Variants in DLGAP2 observed in about 807,000 individuals in gnomAD.
DLGAP2 encodes the protein disks large-associated protein 2.
DLGAP2 carries 26 observed loss-of-function variants against 100.3 expected under a neutral mutation model. That is an observed-to-expected ratio of 0.26 (90% CI 0.19 to 0.36). The LOEUF is 0.36. Ranked by LOEUF, DLGAP2 falls within the 10% of genes least tolerant of loss-of-function variation. DLGAP2 has a pLI of 1.00. For synonymous variants in DLGAP2, 886 were observed against 630.1 expected (o/e 1.41, Z -6.08); for missense variants, 1,858 against 1,453.2 (o/e 1.28, Z -4.53).
intron 3 of DLGAP2, among the ~76,000 whole-genome samples, chr8:1,298,708 G>A (rs897994446): frequency 7.9e-5 from 12 of 152,182 alleles, no homozygotes; most frequent in Admixed American, 4.6e-4. Context: ...ATGCATGCAT[G>A]CCAGAGGGGA....
At chr8:1,425,705 A>T (rs1278113672) in intron 3 of DLGAP2, among the ~76,000 whole-genome samples, 4 of 152,168 alleles carry the variant, frequency 2.6e-5, no homozygotes, top group Non-Finnish European at 4.4e-5. Flanking sequence ...CCTGTAGGGA[A>T]CTGGCCCCTG....
intron 2 of DLGAP2, among the ~76,000 whole-genome samples, chr8:967,835 T>C (rs1356592150): frequency 1.3e-4 from 3 of 23,924 alleles, no homozygotes; most frequent in Admixed American, 3.6e-4. Flanking sequence ...TATATATATA[T>C]ATATATATAT....
chr8:1,588,379 G>C (rs986691249), intron 6 of DLGAP2, among the ~76,000 whole-genome samples: 10 of 152,126 alleles, frequency 6.6e-5, no homozygotes, highest in African/African-American at 2.4e-4. Context: ...GTAGAACCCG[G>C]TGCTAACCTT....
intron 10 of DLGAP2, among the ~76,000 whole-genome samples, chr8:1,672,006 G>A (rs188389871): frequency 7.2e-5 from 11 of 152,248 alleles, no homozygotes; most frequent in African/African-American, 1.2e-4. Context: ...ATTCACTTTC[G>A]TTTTTATCCT....
Position 1,148,798 on chromosome 8 carries a change from T to C in DLGAP2, c.74-110053T>C, listed in dbSNP as rs146800400. Among the ~76,000 whole-genome samples the C allele has an allele frequency of 9.8e-5, 15 of 152,346 alleles. No homozygotes were observed. In the East Asian group the frequency reaches 2.7e-3, roughly 27 times the overall value. On this transcript the variant is annotated intron_variant, in intron 2 of 14. Transcript: ENST00000637795. The stretch of plus-strand genomic sequence containing the variant: ...TAATATATTCTGAATGTATTTTACG[T>C]ATTTCAATTACTTGAGCTTTTCTGG...
chr8:1,117,610 G>A (rs1805158862), intron 2 of DLGAP2, among the ~76,000 whole-genome samples: 1 of 152,192 alleles, frequency 6.6e-6, no homozygotes, highest in African/African-American at 2.4e-5. Context: ...ACTGAGGGTG[G>A]GATGGACGCT....
chr8:1,407,428 C>T (rs1385703634), intron 3 of DLGAP2, among the ~76,000 whole-genome samples: 3 of 97,092 alleles, frequency 3.1e-5, no homozygotes, highest in Non-Finnish European at 4.5e-5. Context: ...CCTTGTCCTC[C>T]AGAGTCGTGT....
At chr8:1,511,714 T>G (rs920483676) in intron 4 of DLGAP2, among the ~76,000 whole-genome samples, 4 of 145,364 alleles carry the variant, frequency 2.8e-5, no homozygotes, top group Non-Finnish European at 4.5e-5. Context: ...TGGACGTAAG[T>G]GCTGTCTAGT....
chr8:1,249,329 C>T (rs1249653134), intron 2 of DLGAP2, among the ~76,000 whole-genome samples: 2 of 152,080 alleles, frequency 1.3e-5, no homozygotes, highest in Non-Finnish European at 1.5e-5. Context: ...GTCTCAGGGC[C>T]CCTCATTTGC....
chr8:1,283,046 A>T (rs866957683), intron 3 of DLGAP2, among the ~76,000 whole-genome samples: 5 of 138,426 alleles, frequency 3.6e-5, no homozygotes, highest in African/African-American at 1.4e-4. Context: ...AACCATCTGG[A>T]CATGGTGTGA....
intron 2 of DLGAP2, among the ~76,000 whole-genome samples, chr8:1,176,732 C>T (rs1412368812): frequency 1.3e-5 from 2 of 152,100 alleles, no homozygotes; most frequent in African/African-American, 4.8e-5. Context: ...CACTCAGGTG[C>T]AGCCCCGTCT....
intron 1 of DLGAP2, among the ~76,000 whole-genome samples, chr8:757,966 T>C (rs1168076863): frequency 6.6e-6 from 1 of 152,046 alleles, no homozygotes; most frequent in East Asian, 1.9e-4. Context: ...TGGGGTTGAG[T>C]CCTGGTGCTG....
chr8:947,571 G>A (rs1799359895), intron 2 of DLGAP2, among the ~76,000 whole-genome samples: 4 of 152,100 alleles, frequency 2.6e-5, no homozygotes, highest in Admixed American at 1.3e-4. Flanking sequence ...CGGGCCCCTC[G>A]GTGTGCCTGC....
chr8:1,327,643 G>C (rs1406246735), intron 3 of DLGAP2, among the ~76,000 whole-genome samples: 2 of 152,118 alleles, frequency 1.3e-5, no homozygotes, highest in African/African-American at 4.8e-5. Flanking sequence ...AGGAGATCGA[G>C]ACCATCCTGA....
intron 2 of DLGAP2, among the ~76,000 whole-genome samples, chr8:1,153,911 A>G (rs1011820718): frequency 6.6e-6 from 1 of 152,192 alleles, no homozygotes; most frequent in African/African-American, 2.4e-5. Flanking sequence ...ACTGGACCCC[A>G]GAGACGTTTT....
Position 1,613,551 on chromosome 8 carries a change from AAAAAG to A in DLGAP2, c.1443-13174_1443-13170del, listed in dbSNP as rs911146044. Reference sequence around the variant, plus strand: ...AAAACTTAAAGTATAATAAAAAAAAAAAAAGAAAAGAAAAGAAAATTGACTTCAAC... The same window carrying A: ...AAAACTTAAAGTATAATAAAAAAAAAAAAAGAAAAGAAAATTGACTTCAAC... On this transcript the variant is annotated intron_variant, in intron 6 of 14. Transcript: ENST00000637795. Among the ~76,000 whole-genome samples, 265 of 152,072 alleles carry A rather than the reference AAAAAG, an allele frequency of 1.7e-3. 2 individuals are homozygous for A. Among genetic ancestry groups the A allele is most frequent in the African/African-American group, 5.7e-3 (238 of 41,494 alleles).
intron 2 of DLGAP2, among the ~76,000 whole-genome samples, chr8:959,997 A>G (rs1020519752): frequency 1.3e-5 from 2 of 152,162 alleles, no homozygotes; most frequent in African/African-American, 4.8e-5. Context: ...CTACAGGGCA[A>G]TAAACTGATG....
intron 3 of DLGAP2, among the ~76,000 whole-genome samples, chr8:1,373,267 C>T (rs1217841212): frequency 6.6e-6 from 1 of 150,532 alleles, no homozygotes; most frequent in East Asian, 1.9e-4. Context: ...GCCGCCGCCA[C>T]GCGCGTGCGG....
intron 2 of DLGAP2, among the ~76,000 whole-genome samples, chr8:1,081,641 C>T (rs187385789): frequency 1.3e-5 from 2 of 152,162 alleles, no homozygotes; most frequent in Admixed American, 6.5e-5. Context: ...GTGACCCCCA[C>T]GCCTGGCTAG....
Sources: gnomAD v4.1 joint callset for allele counts (sites outside exome capture counted in the v4.1 genomes callset) on GRCh38, gnomAD v4.1.1 for gene constraint, MANE v1.5 for transcripts, NCBI Gene and HGNC (gene_info 2026-07-23, HGNC 2026-07-21) for gene names.